Variants in VPS8 observed in about 807,000 individuals in gnomAD.
The protein encoded by VPS8 is VPS8 subunit of CORVET complex, also known as vacuolar protein sorting-associated protein 8 homolog.
In VPS8, 129 loss-of-function variants were observed where a neutral mutation model predicts 216.4. That is an observed-to-expected ratio of 0.60 (90% CI 0.52 to 0.69). VPS8 has a LOEUF of 0.69. Ranked by LOEUF, VPS8 falls within the 30% of genes least tolerant of loss-of-function variation. VPS8 has a pLI of 0.00. For missense variants in VPS8, 1,531 were observed against 1,683.5 expected (o/e 0.91, Z 1.59); for synonymous variants, 571 against 565.4 (o/e 1.01, Z -0.14).
chr3:184,980,034 T>C (rs1271130669), intron 40 of VPS8, among the ~76,000 whole-genome samples: 1 of 152,186 alleles, frequency 6.6e-6, no homozygotes, highest in Non-Finnish European at 1.5e-5. Context: ...ATGATTTTAT[T>C]TCTCCTTTGC....
At chr3:184,852,912 G>A (rs1368190317) in intron 11 of VPS8, among the ~76,000 whole-genome samples, 1 of 152,140 alleles carries the variant, frequency 6.6e-6, no homozygotes, top group African/African-American at 2.4e-5. Context: ...GTGTAAACAG[G>A]TTTTTAATTA....
At chr3:184,973,296 A>G (rs1425084524) in intron 40 of VPS8, among the ~76,000 whole-genome samples, 1 of 152,178 alleles carries the variant, frequency 6.6e-6, no homozygotes, top group African/African-American at 2.4e-5. Context: ...TTGTCTGCCT[A>G]GGTTGATATA....
intron 40 of VPS8, among the ~76,000 whole-genome samples, chr3:184,978,051 T>C (rs1749593371): frequency 6.6e-6 from 1 of 151,924 alleles, no homozygotes; most frequent in African/African-American, 2.4e-5. Flanking sequence ...TGGCTGTGAA[T>C]CCATCTGGTC....
chr3:184,824,890 A>G (rs1042911360), intron 2 of VPS8, 105 bp downstream of exon 2: 1 of 1,074,624 alleles, frequency 9.3e-7, no homozygotes, highest in Non-Finnish European at 1.3e-6. Context: ...ATGGGTTAAT[A>G]GGAGTCTGTG....
intron 21 of VPS8, chr3:184,882,411 A>G (rs1404012222): frequency 8.8e-6 from 4 of 454,546 alleles, no homozygotes; most frequent in Non-Finnish European, 1.3e-5. Flanking sequence ...TGCATCCTGG[A>G]ATAAACCTCA....
chr3:185,004,908 T>G (rs1267996387), intron 45 of VPS8, among the ~76,000 whole-genome samples: 3 of 151,326 alleles, frequency 2.0e-5, no homozygotes, highest in Non-Finnish European at 4.4e-5. Context: ...GTTTTGTTTT[T>G]TATTTATTTA....
intron 23 of VPS8, 89 bp downstream of exon 23, chr3:184,895,014 C>T: frequency 1.9e-6 from 2 of 1,057,008 alleles, no homozygotes; most frequent in Non-Finnish European, 2.7e-6. Context: ...CTGACCCTGC[C>T]TTCTAAGAAC....
intron 42 of VPS8, among the ~76,000 whole-genome samples, chr3:184,988,378 A>G (rs1751427691): frequency 1.3e-5 from 2 of 152,214 alleles, no homozygotes; most frequent in South Asian, 2.1e-4. Flanking sequence ...ATTTTTCTGC[A>G]TGTGAATATA....
intron 21 of VPS8, among the ~76,000 whole-genome samples, chr3:184,872,372 C>T (rs181338612): frequency 7.9e-5 from 12 of 152,022 alleles, no homozygotes; most frequent in African/African-American, 2.4e-4. Context: ...ACAAAGGTGA[C>T]GTTCTGATGG....
rs1446125126 is a variant in VPS8, at chr3:185,052,036, G to C, written c.*11G>C. Reference sequence around the variant, plus strand: ...GTGACTGAGGATTGATGACTCCATGGAGCCTGGCCCAGGAGAACCAGAGAT... The same window carrying C: ...GTGACTGAGGATTGATGACTCCATGCAGCCTGGCCCAGGAGAACCAGAGAT... On this transcript the variant is annotated 3_prime_UTR_variant, in exon 48 of 48. Coordinates refer to ENST00000625842, the MANE Select transcript of VPS8 (RefSeq NM_001009921.3). The C allele has an allele frequency of 9.3e-6, 15 of 1,608,530 alleles. No homozygotes were observed. Among genetic ancestry groups the C allele is most frequent in the Non-Finnish European group, 1.2e-5 (14 of 1,177,696 alleles).
In VPS8 at chr3:184,971,881, C is replaced by T. The variant is rs1340749958; in HGVS notation, c.3420+129C>T. The T allele has an allele frequency of 6.0e-6, 4 of 661,326 alleles. No individual in the cohort carries two copies. In the African/African-American group the frequency reaches 7.5e-5, roughly 12 times the overall value. The allele number at this position is 661,326 out of a possible 1,614,324, so 41.0% of individuals were successfully genotyped here. Reference sequence around the variant, plus strand: ...CCTGAGGTCAGGAGTTTGAGACCAGCCTGACCAACATGGAGAAATCCCATC... The same window carrying T: ...CCTGAGGTCAGGAGTTTGAGACCAGTCTGACCAACATGGAGAAATCCCATC... On this transcript the variant is annotated intron_variant, in intron 40 of 47. Coordinates refer to ENST00000625842, the MANE Select transcript of VPS8 (RefSeq NM_001009921.3).
intron 10 of VPS8, among the ~76,000 whole-genome samples, chr3:184,851,063 CTGTT>C (rs1403940148): frequency 2.0e-5 from 3 of 152,036 alleles, no homozygotes; most frequent in Non-Finnish European, 2.9e-5. Flanking sequence ...AAATCACAAT[CTGTT>C]TGTCATTTAT....
intron 45 of VPS8, among the ~76,000 whole-genome samples, chr3:185,018,200 C>G (rs1226102303): frequency 6.6e-6 from 1 of 152,132 alleles, no homozygotes; most frequent in Non-Finnish European, 1.5e-5. Context: ...GCCTGGCAAT[C>G]GGGATTAGCA....
rs771714201 is a variant in VPS8, at chr3:184,859,982, C to T, written c.1144-3C>T. 1 of 1,608,322 alleles carries T rather than the reference C, an allele frequency of 6.2e-7. No homozygotes were observed. The highest frequency in any genetic ancestry group is 8.5e-7 in the Non-Finnish European group (1 of 1,176,942). ...TTTTAGGTTGTTTTTATTTCATCAT[C>T]AGGTAAAGAGAGATGAATCTGGAGC... On this transcript the variant is annotated splice_region_variant and splice_polypyrimidine_tract_variant and intron_variant, in intron 14 of 47. Transcript: ENST00000625842.
In VPS8 at chr3:184,855,708, T is replaced by C; in HGVS notation, c.1036-3T>C. Reference sequence around the variant, plus strand: ...GATTTTTTTTTTCCATCTCCCTACTTAGATGGATCCTTCCAGTGTGCCACT... The same window carrying C: ...GATTTTTTTTTTCCATCTCCCTACTCAGATGGATCCTTCCAGTGTGCCACT... On this transcript the variant is annotated splice_region_variant and splice_polypyrimidine_tract_variant and intron_variant, in intron 13 of 47. Transcript: ENST00000625842. 1 of 1,607,226 alleles carries C rather than the reference T, an allele frequency of 6.2e-7. No homozygotes were observed. Among genetic ancestry groups the C allele is most frequent in the Non-Finnish European group, 8.5e-7 (1 of 1,175,758 alleles).
chr3:184,883,074 AG>A (rs1730558662), intron 21 of VPS8, among the ~76,000 whole-genome samples: 1 of 152,188 alleles, frequency 6.6e-6, no homozygotes, highest in South Asian at 2.1e-4. Context: ...TGTATTAAAT[AG>A]CAATGATTAG....
chr3:185,038,229 G>A (rs1759167464), intron 46 of VPS8, among the ~76,000 whole-genome samples: 1 of 152,234 alleles, frequency 6.6e-6, no homozygotes, highest in African/African-American at 2.4e-5. Flanking sequence ...CAGTCACCCT[G>A]GAATGACAGT....
At chr3:184,899,022 A>G (rs1734009568) in intron 24 of VPS8, among the ~76,000 whole-genome samples, 1 of 152,212 alleles carries the variant, frequency 6.6e-6, no homozygotes. Context: ...TAATCAATGT[A>G]CTATTGAGTA....
chr3:184,855,970 T>A (rs1490258977), intron 14 of VPS8, among the ~76,000 whole-genome samples, 152 bp downstream of exon 14: 1 of 152,220 alleles, frequency 6.6e-6, no homozygotes, highest in Non-Finnish European at 1.5e-5. Context: ...ATGATTAGCA[T>A]CGGAAAATGG....
Sources: gnomAD v4.1 joint callset for allele counts (sites outside exome capture counted in the v4.1 genomes callset) on GRCh38, gnomAD v4.1.1 for gene constraint, MANE v1.5 for transcripts, NCBI Gene and HGNC (gene_info 2026-07-23, HGNC 2026-07-21) for gene names.